STARD9: variants seen among roughly 807,000 people sequenced by gnomAD.
STARD9 encodes the protein StAR related lipid transfer domain containing 9, also known as stAR-related lipid transfer protein 9.
STARD9 carries 346 observed loss-of-function variants against 399.8 expected under a neutral mutation model. The observed-to-expected ratio is 0.87, with a 90% CI of 0.79 to 0.95. The LOEUF (loss-of-function observed/expected upper bound fraction) is 0.95, where lower values mean the gene tolerates loss of function less well. Among genes scored for constraint, STARD9 ranks in the 40% least tolerant of loss-of-function variants. The pLI, the probability that STARD9 is intolerant of heterozygous loss-of-function variation, is 0.00. For synonymous variants in STARD9, 2,203 were observed against 2,143.5 expected (o/e 1.03, Z -0.77); for missense variants, 5,832 against 5,667.5 (o/e 1.03, Z -0.93).
chr15:42,650,698 A>G (rs1399241505), intron 7 of STARD9, among the ~76,000 whole-genome samples: 2 of 152,196 alleles, frequency 1.3e-5, no homozygotes, highest in African/African-American at 4.8e-5. Context: ...GTGAGGGCCA[A>G]ATGAGAACAG....
chr15:42,678,758 C>T (rs2060363143), intron 20 of STARD9, among the ~76,000 whole-genome samples: 1 of 152,196 alleles, frequency 6.6e-6, no homozygotes, highest in Non-Finnish European at 1.5e-5. Context: ...GGGCAATTAC[C>T]TGATAAAGAC....
At position 42,690,401 on chromosome 15, in the gene STARD9, C is replaced by A; in HGVS notation, c.8823C>A (p.Ser2941Arg). ...ACCCTGAAGGCAGCAGGACTCTCAG[C>A]CCGTCTAGAGGGAAAGAGAGCAGAA... is the stretch of plus-strand genomic sequence containing the variant. ...SRNPEGSRTL[S>R]PSRGKESRTL... Residue 2941 changes from serine to arginine, a missense_variant, in exon 23 of 33, where the codon AGC (serine) becomes AGA (arginine). Physicochemically the swap from Ser to Arg is moderately radical, Grantham distance 110. Coordinates refer to ENST00000290607, the MANE Select transcript of STARD9 (RefSeq NM_020759.3). 6.5e-7 allele frequency: 1 copy of A among 1,537,224 alleles called. No homozygotes were observed. The highest frequency in any genetic ancestry group is 8.7e-7 in the Non-Finnish European group (1 of 1,146,892).
At chr15:42,583,976 A>T (rs911301388) in intron 2 of STARD9, among the ~76,000 whole-genome samples, 1 of 152,108 alleles carries the variant, frequency 6.6e-6, no homozygotes, top group Non-Finnish European at 1.5e-5. Context: ...ATAATTGGAC[A>T]GACATTTGGA....
At chr15:42,679,272 G>A (rs922599022) in intron 20 of STARD9, among the ~76,000 whole-genome samples, 1 of 152,184 alleles carries the variant, frequency 6.6e-6, no homozygotes, top group African/African-American at 2.4e-5. Flanking sequence ...TATGTTTCCT[G>A]TTAACTGCTT....
intron 7 of STARD9, among the ~76,000 whole-genome samples, chr15:42,641,278 A>G (rs996676905): frequency 6.6e-6 from 1 of 152,182 alleles, no homozygotes; most frequent in Admixed American, 6.5e-5. Context: ...ACCAATAAAA[A>G]ATCTCTTAGA....
intron 3 of STARD9, among the ~76,000 whole-genome samples, chr15:42,620,082 AGCAGTG>A (rs2141848304): frequency 6.6e-6 from 1 of 152,226 alleles, no homozygotes; most frequent in Admixed American, 6.5e-5. Context: ...CTTTGGGCCC[AGCAGTG>A]GTGAATTTCC....
chr15:42,587,316 C>T (rs559727107), intron 3 of STARD9, among the ~76,000 whole-genome samples: 1 of 152,058 alleles, frequency 6.6e-6, no homozygotes, highest in East Asian at 1.9e-4. Flanking sequence ...TCTAAATTAC[C>T]CCATTCTTCC....
intron 9 of STARD9, among the ~76,000 whole-genome samples, chr15:42,657,735 C>T (rs2059904332): frequency 6.6e-6 from 1 of 152,136 alleles, no homozygotes; most frequent in South Asian, 2.1e-4. Flanking sequence ...CCTATGCTTC[C>T]TGAAGCTAAA....
intron 3 of STARD9, among the ~76,000 whole-genome samples, chr15:42,595,226 GA>G (rs1236804959): frequency 6.6e-6 from 1 of 152,152 alleles, no homozygotes; most frequent in African/African-American, 2.4e-5. Context: ...AGAGCTCACA[GA>G]GGGGTGGGCA....
intron 32 of STARD9, 43 bp downstream of exon 32, chr15:42,718,953 TG>T: frequency 1.3e-6 from 2 of 1,518,332 alleles, no homozygotes; most frequent in Non-Finnish European, 1.8e-6. Flanking sequence ...CAGGCTGACT[TG>T]GTCCCACAGC....
At chr15:42,652,659 T>G in intron 9 of STARD9, 67 bp downstream of exon 9, 1 of 1,343,874 alleles carries the variant, frequency 7.4e-7, no homozygotes, top group Non-Finnish European at 1.0e-6. Flanking sequence ...CTTTCTTGTC[T>G]TCCTTCCTAT....
intron 7 of STARD9, among the ~76,000 whole-genome samples, chr15:42,644,506 T>C (rs1482052078): frequency 6.6e-6 from 1 of 151,022 alleles, no homozygotes; most frequent in African/African-American, 2.4e-5. Flanking sequence ...AAAAAAAAAA[T>C]GTACATACAT....
rs1033632018 is a variant in STARD9, at chr15:42,709,006, G to A, written c.13285-7671G>A. Among the ~76,000 whole-genome samples, 8 of 151,904 alleles carry A rather than the reference G, an allele frequency of 5.3e-5. No individual in the cohort carries two copies. In the South Asian group the frequency reaches 6.2e-4, roughly 12 times the overall value. On this transcript the variant is annotated intron_variant, in intron 26 of 32. Transcript: ENST00000290607. ...TCGGTGCATTGTATCAGAGGTTACC[G>A]GATACCGACATGTCCTGTTTCTGGT...
In STARD9 at chr15:42,682,457, T is replaced by C; in HGVS notation, c.2419T>C (p.Tyr807His). 1 of 1,537,168 alleles carries C rather than the reference T, an allele frequency of 6.5e-7. No individual in the cohort carries two copies. Among genetic ancestry groups the C allele is most frequent in the Non-Finnish European group, 8.7e-7 (1 of 1,146,872 alleles). Reference protein sequence around the residue: ...LQDDSTQEPPYQVLSPDATVP... With the variant: ...LQDDSTQEPPHQVLSPDATVP... ...GGATGACAGCACCCAGGAGCCCCCA[T>C]ACCAGGTCCTCAGCCCTGATGCCAC... Residue 807 changes from tyrosine to histidine, a missense_variant, in exon 22 of 33, where the codon TAC becomes CAC. Coordinates refer to ENST00000290607, the MANE Select transcript of STARD9 (RefSeq NM_020759.3).
chr15:42,713,967 C>T (rs1393352381), intron 26 of STARD9, among the ~76,000 whole-genome samples: 1 of 151,468 alleles, frequency 6.6e-6, no homozygotes, highest in South Asian at 2.1e-4. Context: ...ATTCCTTAAA[C>T]GTTTGGTAGA....
In STARD9 at chr15:42,689,419, C is replaced by T. The variant is rs760952423; in HGVS notation, c.7841C>T (p.Pro2614Leu). The change falls in exon 23 of 33, where the codon CCG becomes CTG. Residue 2614 changes from proline to leucine, a missense_variant. Physicochemically the swap from Pro to Leu is moderately conservative, Grantham distance 98. Coordinates refer to ENST00000290607, the MANE Select transcript of STARD9 (RefSeq NM_020759.3). ...CAGACCAGGAATGAGGGTGAAGCAC[C>T]GGGATTTCATGTGGCATCTCTATCT... Reference protein sequence around the residue: ...SDQTRNEGEAPGFHVASLSAE... With the variant: ...SDQTRNEGEALGFHVASLSAE... 3.2e-5 allele frequency: 49 copies of T among 1,537,238 alleles called. No homozygotes were observed. The highest frequency in any genetic ancestry group is 5.5e-5 in the African/African-American group (4 of 73,036).
At chr15:42,615,398 T>C (rs1391146017) in intron 3 of STARD9, among the ~76,000 whole-genome samples, 2 of 152,206 alleles carry the variant, frequency 1.3e-5, no homozygotes, top group Non-Finnish European at 2.9e-5. Flanking sequence ...TCAGTTTTGG[T>C]ATATTCATAG....
chr15:42,633,479 C>T (rs1595677032), intron 3 of STARD9, among the ~76,000 whole-genome samples: 2 of 152,174 alleles, frequency 1.3e-5, no homozygotes, highest in Non-Finnish European at 2.9e-5. Flanking sequence ...TTTGAGCACA[C>T]ACTTGGCACT....
rs547437596 is a variant in STARD9 at position 42,633,653 on chromosome 15, T to A, written c.235-1203T>A. ...GGCCCCGTTTCTTTCTTTCTTTTTT[T>A]TTTTTTTTGAGATGGAGTCTCACTC... is the stretch of plus-strand genomic sequence containing the variant. On this transcript the variant is annotated intron_variant, in intron 3 of 32. Coordinates refer to ENST00000290607, the MANE Select transcript of STARD9 (RefSeq NM_020759.3). 5.9e-5 allele frequency among the ~76,000 whole-genome samples: 9 copies of A among 151,682 alleles called. No individual in the cohort carries two copies. In the East Asian group the frequency reaches 1.7e-3, roughly 29 times the overall value.
Sources: gnomAD v4.1 joint callset for allele counts (sites outside exome capture counted in the v4.1 genomes callset) on GRCh38, gnomAD v4.1.1 for gene constraint, MANE v1.5 for transcripts, NCBI Gene and HGNC (gene_info 2026-07-23, HGNC 2026-07-21) for gene names.